The following PITPNM1 variants were observed in gnomAD, a reference collection of about 807,000 sequenced individuals.
PITPNM1 encodes membrane-associated phosphatidylinositol transfer protein 1.
In PITPNM1, 74 loss-of-function variants were observed where a neutral mutation model predicts 133.3. The observed-to-expected ratio is 0.56, with a 90% CI of 0.46 to 0.67. The LOEUF (loss-of-function observed/expected upper bound fraction) is 0.67. Among genes scored for constraint, PITPNM1 ranks in the 30% least tolerant of loss-of-function variants. PITPNM1 has a pLI of 0.00. For missense variants in PITPNM1, 1,398 were observed against 1,739.5 expected (o/e 0.80, Z 3.49); for synonymous variants, 738 against 741.4 (o/e 1.00, Z 0.08).
At position 67,494,334 on chromosome 11, in the gene PITPNM1, G is replaced by A. The variant is rs1472002770; in HGVS notation, c.2769C>T (p.Ser923=). The change falls in exon 19 of 24, where the codon AGC becomes AGT. Residue 923 remains serine, a synonymous_variant. Transcript: ENST00000356404. ...IRNVTSNHRA[S]DTVVCEGRPQ... is the part of the protein sequence containing the mutation. ...GGCGGCCCTCGCACACCACCGTGTC[G>A]CTCGCCCGGTGGTTGGAAGTGACGT... The A allele has an allele frequency of 2.5e-6, 4 of 1,608,392 alleles. No individual in the cohort carries two copies. The highest frequency in any genetic ancestry group is 3.4e-6 in the Non-Finnish European group (4 of 1,177,858).
intron 8 of PITPNM1, 81 bp from the exon 9 acceptor site, chr11:67,499,082 T>C: frequency 7.1e-7 from 1 of 1,406,692 alleles, no homozygotes; most frequent in East Asian, 2.3e-5. Context: ...ACCCCAGTTC[T>C]GGCATCTGCC....
chr11:67,492,067 C>A lies in PITPNM1; in HGVS notation c.3701G>T (p.Arg1234Leu). The A allele has an allele frequency of 6.2e-7, 1 of 1,612,562 alleles. No homozygotes were observed. Among genetic ancestry groups the A allele is most frequent in the South Asian group, 1.1e-5 (1 of 91,066 alleles). ...GCTGTCCAGCTTCAGGCTGATGCTCCGTGCTTTGCCCCGTGCCAGGGTGGT... is the reference window on the plus strand; with the variant it reads ...GCTGTCCAGCTTCAGGCTGATGCTCAGTGCTTTGCCCCGTGCCAGGGTGGT... ...PPTTLARGKARSISLKLDSEE is the reference protein window; with the variant it reads ...PPTTLARGKALSISLKLDSEE Residue 1234 changes from arginine (R) to leucine (L), a missense_variant, in exon 24 of 24, where the codon CGG (arginine) becomes CTG (leucine). By Grantham distance (102) the Arg-to-Leu change is moderately radical. This residue lies in a region of PITPNM1 where 122 missense variants were observed against 123.3 expected (regional missense o/e 0.99). Transcript: ENST00000356404.
chr11:67,493,472 C>G lies in PITPNM1; in HGVS notation c.3280G>C (p.Asp1094His). The change falls in exon 22 of 24, where the codon GAC becomes CAC. Residue 1094 changes from aspartate to histidine, a missense_variant. By Grantham distance (81) the Asp-to-His change is moderately conservative. Around this residue, in one of 5 missense-constraint regions of PITPNM1, gnomAD observed 233 missense variants for 378.0 expected, o/e 0.62. Transcript: ENST00000356404. ...CGTAGTGGGTCGTGGGTGAGGCCGT[C>G]GCAGAAGGAGACGACGCCGTGGGGG... Reference protein sequence around the residue: ...NFPHGVVSFCDGLTHDPLRQK... With the variant: ...NFPHGVVSFCHGLTHDPLRQK... 1 of 1,605,466 alleles carries G rather than the reference C, an allele frequency of 6.2e-7. No homozygotes were observed. The highest frequency in any genetic ancestry group is 8.5e-7 in the Non-Finnish European group (1 of 1,176,474).
At position 67,494,865 on chromosome 11, in the gene PITPNM1, C is replaced by G. The variant is rs775547986; in HGVS notation, c.2723G>C (p.Arg908Pro). 1.9e-6 allele frequency: 3 copies of G among 1,612,478 alleles called. No homozygotes were observed. ...AFPREKWQRKRTQVKIRNVTS... is the reference protein window; with the variant it reads ...AFPREKWQRKPTQVKIRNVTS... The stretch of plus-strand genomic sequence containing the variant: ...ACCTACCCGGATCTTGACCTGCGTG[C>G]GTTTTCGCTGCCACTTCTCCCTGGG... The change falls in exon 18 of 24, where the codon CGC (arginine) becomes CCC (proline). Residue 908 changes from arginine (R) to proline (P), a missense_variant. Around this residue, in one of 5 missense-constraint regions of PITPNM1, gnomAD observed 233 missense variants for 378.0 expected, o/e 0.62. Coordinates refer to ENST00000356404, the MANE Select transcript of PITPNM1 (RefSeq NM_004910.3).
rs370148411 is a variant in PITPNM1 at position 67,492,252 on chromosome 11, C to T, written c.3516G>A (p.Ala1172=). The change falls in exon 24 of 24, where the codon GCG becomes GCA. Residue 1172 remains alanine (A), a synonymous_variant. Coordinates refer to ENST00000356404, the MANE Select transcript of PITPNM1 (RefSeq NM_004910.3). ...CCGAGGAGGCATGCGAGTGCGAGCC[C>T]GCTTCCAGCTGGCCCAGGTGGGCCA... ...GYVAHLGQLE[A]GSHSHASSGP... The T allele has an allele frequency of 1.7e-4, 266 of 1,596,684 alleles. No individual in the cohort carries two copies. The highest frequency in any genetic ancestry group is 8.1e-4 in the East Asian group (36 of 44,578).
intron 18 of PITPNM1, among the ~76,000 whole-genome samples, 193 bp downstream of exon 18, chr11:67,494,653 G>A (rs1260660127): frequency 1.3e-5 from 2 of 151,990 alleles, no homozygotes; most frequent in Non-Finnish European, 1.5e-5. Context: ...CAGAGGGCGG[G>A]GAGACCAGCG....
chr11:67,502,772 G>T lies in PITPNM1; in HGVS notation c.79-54C>A. The T allele has an allele frequency of 6.4e-7, 1 of 1,560,080 alleles. No individual in the cohort carries two copies. ...AGCTCAGCCCCAGCTTAGCATCTGG[G>T]ATCCCCAGCTCAGCCTGGTGTTCTA... On this transcript the variant is annotated intron_variant, in intron 2 of 23. Transcript: ENST00000356404. This position sits in a 1 kb window ranked among gnomAD's most constrained non-coding sequence, Gnocchi z 5.9.
At position 67,500,257 on chromosome 11, in the gene PITPNM1, G is replaced by A. The variant is rs776637174; in HGVS notation, c.805C>T (p.Gln269Ter). 3.1e-6 allele frequency: 5 copies of A among 1,607,154 alleles called. No homozygotes were observed. The African/African-American group carries it at 6.7e-5, about 21-fold the overall frequency. ...CNTGSEGSEA[Q>*]PPGKPSTEAR... Reference sequence around the variant, plus strand: ...TCGGTGCTCGGTTTCCCGGGGGGCTGGGCCTCGGACCCCTCACTGCCTGTG... The same window carrying A: ...TCGGTGCTCGGTTTCCCGGGGGGCTAGGCCTCGGACCCCTCACTGCCTGTG... Residue 269 changes from glutamine (Q) to a stop codon, truncating the protein, a stop_gained, in exon 6 of 24, where the codon CAG becomes TAG. Transcript: ENST00000356404. LOFTEE classifies it high-confidence loss of function.
chr11:67,499,039 A>C (rs1866228965), intron 8 of PITPNM1, 38 bp from the exon 9 acceptor site: 3 of 1,577,350 alleles, frequency 1.9e-6, no homozygotes, highest in East Asian at 2.2e-5. Flanking sequence ...GACGGAGAGG[A>C]CCACTGGGAT....
At chr11:67,493,286 C>T (rs12362703) in intron 22 of PITPNM1, 124 bp downstream of exon 22, 4 of 1,177,034 alleles carry the variant, frequency 3.4e-6, no homozygotes, top group South Asian at 1.6e-5. Context: ...TAGCGGGCCG[C>T]TGCAGTCAGG....
chr11:67,493,785 C>CCGTGCCG lies in PITPNM1; in HGVS notation c.3054_3060dup (p.Glu1021ArgfsTer201). 4 of 1,550,022 alleles carry CCGTGCCG rather than the reference C, an allele frequency of 2.6e-6. No individual in the cohort carries two copies. The highest frequency in any genetic ancestry group is 3.5e-6 in the Non-Finnish European group (4 of 1,147,816). ...CCGTCGATGCTGAAGACCACAGCCT[C>CCGTGCCG]CGTGCCGCGGGCCACCACAGTCAGG... is the stretch of plus-strand genomic sequence containing the variant. On this transcript the variant is annotated frameshift_variant, in exon 21 of 24. Transcript: ENST00000356404. LOFTEE classifies it high-confidence loss of function.
At position 67,504,251 on chromosome 11, in the gene PITPNM1, G is replaced by T. The variant is rs1354746130; in HGVS notation, c.-41-30C>A. On this transcript the variant is annotated intron_variant, in intron 1 of 23. Coordinates refer to ENST00000356404, the MANE Select transcript of PITPNM1 (RefSeq NM_004910.3). This position sits in a 1 kb window ranked among gnomAD's most constrained non-coding sequence, Gnocchi z 5.4. ...CGCAGGGCACGGCGCGACAGTCAGT[G>T]CGGGGAGGCTGCGCGCGGCCCCGAG... 1.6e-5 allele frequency: 17 copies of T among 1,073,632 alleles called. 1 individual carries two copies. 66.5% of individuals were successfully genotyped at this position (1,073,632 alleles called of 1,614,324 possible).
intron 23 of PITPNM1, 108 bp from the exon 24 acceptor site, chr11:67,492,404 G>A (rs1201509254): frequency 8.6e-7 from 1 of 1,161,940 alleles, no homozygotes; most frequent in Non-Finnish European, 1.2e-6. Context: ...CTGGTGGCAG[G>A]CTTGGCACAG....
At position 67,502,478 on chromosome 11, in the gene PITPNM1, G is replaced by A. The variant is rs778374340; in HGVS notation, c.293+26C>T. On this transcript the variant is annotated intron_variant, in intron 3 of 23. Transcript: ENST00000356404. The surrounding 1 kb of genome is among the most constrained non-coding windows in gnomAD (Gnocchi z 5.9). Reference sequence around the variant, plus strand: ...CCAGGGCCGCTCCCCTCCTGGCCTCGGACCATGCCCAGCTCACCCACTCAC... The same window carrying A: ...CCAGGGCCGCTCCCCTCCTGGCCTCAGACCATGCCCAGCTCACCCACTCAC... The A allele has an allele frequency of 6.2e-6, 10 of 1,613,450 alleles. No individual in the cohort carries two copies. Among genetic ancestry groups the A allele is most frequent in the South Asian group, 4.4e-5 (4 of 91,072 alleles).
chr11:67,498,966 C>T lies in PITPNM1; in HGVS notation c.1207G>A (p.Gly403Arg), dbSNP rs769950901. The T allele has an allele frequency of 6.2e-7, 1 of 1,612,842 alleles. No individual in the cohort carries two copies. Among genetic ancestry groups the T allele is most frequent in the Non-Finnish European group, 8.5e-7 (1 of 1,179,688 alleles). Residue 403 changes from glycine to arginine, a missense_variant, in exon 9 of 24, where the codon GGG (glycine) becomes AGG (arginine). Physicochemically the swap from Gly to Arg is moderately radical, Grantham distance 125. Coordinates refer to ENST00000356404, the MANE Select transcript of PITPNM1 (RefSeq NM_004910.3). This position sits in a 1 kb window ranked among gnomAD's most constrained non-coding sequence, Gnocchi z 5.7. Reference sequence around the variant, plus strand: ...TCTGAGTCCCTGGGTGCTTGGGCCCCATCCTCAATGCCTTTAGCTGCCTCG... The same window carrying T: ...TCTGAGTCCCTGGGTGCTTGGGCCCTATCCTCAATGCCTTTAGCTGCCTCG... Reference protein sequence around the residue: ...GAEAAKGIEDGAQAPRDSEGL... With the variant: ...GAEAAKGIEDRAQAPRDSEGL...
chr11:67,493,612 G>A lies in PITPNM1; in HGVS notation c.3159-19C>T, dbSNP rs568094736. On this transcript the variant is annotated intron_variant, in intron 21 of 23. Coordinates refer to ENST00000356404, the MANE Select transcript of PITPNM1 (RefSeq NM_004910.3). Reference sequence around the variant, plus strand: ...CCAGTGCCTGTGGGGCGGGGGCAGCGGTCAGCTCCGCTGGCCAGGGGTGAG... The same window carrying A: ...CCAGTGCCTGTGGGGCGGGGGCAGCAGTCAGCTCCGCTGGCCAGGGGTGAG... 3.2e-6 allele frequency: 5 copies of A among 1,545,052 alleles called. No homozygotes were observed. The highest frequency in any genetic ancestry group is 1.7e-4 in the Middle Eastern group (1 of 5,962).
Position 67,504,094 on chromosome 11 carries a change from C to T in PITPNM1, c.78+9G>A. On this transcript the variant is annotated intron_variant, in intron 2 of 23. Coordinates refer to ENST00000356404, the MANE Select transcript of PITPNM1 (RefSeq NM_004910.3). The surrounding 1 kb of genome is among the most constrained non-coding windows in gnomAD (Gnocchi z 5.4). ...CCTTGCCCGGGTGCCCTCTCCCCGC[C>T]GCCCTCACCTGGATCATGTAGAGCT... 6.3e-7 allele frequency: 1 copy of T among 1,592,014 alleles called. No individual in the cohort carries two copies. The highest frequency in any genetic ancestry group is 8.5e-7 in the Non-Finnish European group (1 of 1,171,588).
At chr11:67,506,213 A>G (rs1302965689), upstream of PITPNM1, 1 of 161,572 alleles carries the variant, frequency 6.2e-6, no homozygotes, top group Non-Finnish European at 1.4e-5. Context: ...CATCACCGCC[A>G]ATCCAGAGGA....
In PITPNM1 at chr11:67,493,406, G is replaced by A; in HGVS notation, c.3342+4C>T. On this transcript the variant is annotated splice_donor_region_variant and intron_variant, in intron 22 of 23. Transcript: ENST00000356404. ...GGACCCGGAGCCTCCCCCAGCCGCC[G>A]CACCTCCTGCACCAGGCTCTGCAGA... 2 of 1,574,400 alleles carry A rather than the reference G, an allele frequency of 1.3e-6. No individual in the cohort carries two copies. Among genetic ancestry groups the A allele is most frequent in the Non-Finnish European group, 1.7e-6 (2 of 1,155,340 alleles).
Sources: allele counts gnomAD v4.1 joint callset (sites outside exome capture counted in the v4.1 genomes callset), GRCh38; gene constraint gnomAD v4.1.1; regional missense constraint gnomAD v4.1.1; non-coding constraint Gnocchi (gnomAD v3.1); transcripts MANE v1.5; gene names NCBI Gene and HGNC (gene_info 2026-07-23, HGNC 2026-07-21).